KIAA0232: variants seen among roughly 807,000 people sequenced by gnomAD.
The protein encoded by KIAA0232 is uncharacterized protein KIAA0232.
Under a neutral mutation model 122.0 loss-of-function variants are expected in KIAA0232, and 27 were observed. The observed-to-expected ratio is 0.22, with a 90% CI of 0.16 to 0.31. The LOEUF is 0.31. Ranked by LOEUF, KIAA0232 falls within the 10% of genes least tolerant of loss-of-function variation. The pLI is 1.00. For synonymous variants in KIAA0232, 613 were observed against 587.6 expected, an observed-to-expected ratio of 1.04 and a Z score of -0.63; for missense variants, 1,551 against 1,634.2, an observed-to-expected ratio of 0.95 and a Z score of 0.88.
intron 2 of KIAA0232, 140 bp from the exon 3 acceptor site, chr4:6,824,045 T>TGG: frequency 2.7e-6 from 1 of 367,388 alleles, no homozygotes; most frequent in Non-Finnish European, 4.8e-6. Flanking sequence ...TCAAAGATGA[T>TGG]GGGGGGAAAA....
At chr4:6,792,411 A>G (rs1029181287) in intron 1 of KIAA0232, among the ~76,000 whole-genome samples, 5 of 152,136 alleles carry the variant, frequency 3.3e-5, no homozygotes, top group Admixed American at 2.6e-4. Flanking sequence ...ACAAGTTTCT[A>G]ACTACTCTGA....
chr4:6,836,702 G>A (rs907454257), intron 3 of KIAA0232, among the ~76,000 whole-genome samples: 2 of 151,842 alleles, frequency 1.3e-5, no homozygotes, highest in East Asian at 1.9e-4. Context: ...GCCGCCTTCC[G>A]CAGTGTTTGT....
chr4:6,829,336 A>G (rs1423069185), intron 3 of KIAA0232, among the ~76,000 whole-genome samples: 3 of 152,182 alleles, frequency 2.0e-5, no homozygotes, highest in African/African-American at 7.2e-5. Flanking sequence ...CTTGTAATGA[A>G]TAAGCGATCT....
chr4:6,788,751 T>G (rs1168338792), intron 1 of KIAA0232, among the ~76,000 whole-genome samples: 1 of 152,190 alleles, frequency 6.6e-6, no homozygotes, highest in African/African-American at 2.4e-5. Flanking sequence ...GGAATAACTT[T>G]GTATGAGAAC....
intron 7 of KIAA0232, among the ~76,000 whole-genome samples, chr4:6,867,486 A>G (rs1402071433): frequency 6.6e-6 from 1 of 152,218 alleles, no homozygotes; most frequent in Non-Finnish European, 1.5e-5. Flanking sequence ...GTGCCTTGGT[A>G]TCTGGACATA....
intron 9 of KIAA0232, among the ~76,000 whole-genome samples, chr4:6,877,450 C>T (rs138971802): frequency 9.9e-4 from 150 of 152,254 alleles, no homozygotes; most frequent in African/African-American, 3.3e-3. Flanking sequence ...TATTAGGGTT[C>T]TCCAGAGGGA....
chr4:6,859,068 A>G (rs1272258256), intron 6 of KIAA0232, among the ~76,000 whole-genome samples: 1 of 148,086 alleles, frequency 6.8e-6, no homozygotes, highest in Non-Finnish European at 1.5e-5. Context: ...ATTGCACTCC[A>G]GCCTGGACGA....
intron 9 of KIAA0232, among the ~76,000 whole-genome samples, chr4:6,878,895 C>G (rs781166183): frequency 1.3e-5 from 2 of 152,190 alleles, no homozygotes; most frequent in Non-Finnish European, 2.9e-5. Flanking sequence ...TCCGGCTCCA[C>G]ACATGAAGGC....
chr4:6,786,776 A>G (rs1433001718), intron 1 of KIAA0232, among the ~76,000 whole-genome samples: 1 of 152,174 alleles, frequency 6.6e-6, no homozygotes, highest in African/African-American at 2.4e-5. Context: ...CATCTTTCCC[A>G]TTTGTATCTA....
At chr4:6,787,711 C>T (rs568347990) in intron 1 of KIAA0232, among the ~76,000 whole-genome samples, 1 of 152,188 alleles carries the variant, frequency 6.6e-6, no homozygotes, top group African/African-American at 2.4e-5. Context: ...CTGTAGTCCT[C>T]CAACTGGCCT....
rs1408526357 is a variant in KIAA0232, at chr4:6,855,547, AATAT to A, written c.370-1608_370-1605del. Among the ~76,000 whole-genome samples the A allele has an allele frequency of 6.6e-6, 1 of 151,944 alleles. No individual in the cohort carries two copies. Among genetic ancestry groups the A allele is most frequent in the Non-Finnish European group, 1.5e-5 (1 of 67,976 alleles). ...AAATATATGTTTATATATGACAGCA[AATAT>A]ATATATATCACTCATATAGTATACA... is the stretch of plus-strand genomic sequence containing the variant. On this transcript the variant is annotated intron_variant, in intron 4 of 9. Transcript: ENST00000307659. This position sits in a 1 kb window ranked among gnomAD's most constrained non-coding sequence, Gnocchi z 4.3.
chr4:6,837,437 G>T (rs1719375880), intron 3 of KIAA0232, among the ~76,000 whole-genome samples: 1 of 151,148 alleles, frequency 6.6e-6, no homozygotes, highest in Non-Finnish European at 1.5e-5. Context: ...AGGCTGGGCG[G>T]CCGGGCAGAG....
At chr4:6,877,261 G>GAGCAT (rs1721805914) in intron 9 of KIAA0232, among the ~76,000 whole-genome samples, 1 of 152,186 alleles carries the variant, frequency 6.6e-6, no homozygotes, top group African/African-American at 2.4e-5. Context: ...GCTGTAGCCA[G>GAGCAT]AGCATGTACT....
chr4:6,806,786 C>T (rs911985673), intron 2 of KIAA0232, among the ~76,000 whole-genome samples: 4 of 136,250 alleles, frequency 2.9e-5, no homozygotes, highest in African/African-American at 5.4e-5. Flanking sequence ...TAAGAACATA[C>T]AGGCTGATCG....
intron 4 of KIAA0232, among the ~76,000 whole-genome samples, chr4:6,856,334 T>A (rs894136442): frequency 1.3e-5 from 2 of 152,224 alleles, no homozygotes; most frequent in Non-Finnish European, 2.9e-5. Flanking sequence ...TGAATAAATC[T>A]AAAGTTTCTG....
chr4:6,878,037 A>G (rs1721844701), intron 9 of KIAA0232, among the ~76,000 whole-genome samples: 1 of 152,200 alleles, frequency 6.6e-6, no homozygotes, highest in Non-Finnish European at 1.5e-5. Context: ...CCCAAGTACT[A>G]TTACATAGAG....
At chr4:6,866,785 T>A (rs1336646215) in intron 7 of KIAA0232, among the ~76,000 whole-genome samples, 1 of 152,228 alleles carries the variant, frequency 6.6e-6, no homozygotes, top group Non-Finnish European at 1.5e-5. Flanking sequence ...TACATGCCTG[T>A]TGCTAAAGTA....
intron 7 of KIAA0232, among the ~76,000 whole-genome samples, chr4:6,870,998 A>T (rs1271646670): frequency 2.0e-5 from 3 of 152,126 alleles, no homozygotes; most frequent in Non-Finnish European, 4.4e-5. Flanking sequence ...TTTTTATTAC[A>T]TTATATTTTG....
chr4:6,790,607 A>T (rs1716849621), intron 1 of KIAA0232, among the ~76,000 whole-genome samples: 2 of 150,040 alleles, frequency 1.3e-5, no homozygotes, highest in Admixed American at 1.3e-4. Context: ...CTGATATCAA[A>T]CTCCTGGCCT....
Sources: gnomAD v4.1 joint callset for allele counts (sites outside exome capture counted in the v4.1 genomes callset) on GRCh38, gnomAD v4.1.1 for gene constraint, Gnocchi (gnomAD v3.1) non-coding constraint, MANE v1.5 for transcripts, NCBI Gene and HGNC (gene_info 2026-07-23, HGNC 2026-07-21) for gene names.